RAD18: variants seen among roughly 807,000 people sequenced by gnomAD.
RAD18 encodes the protein E3 ubiquitin-protein ligase RAD18.
RAD18 carries 47 observed loss-of-function variants against 60.4 expected under a neutral mutation model. The ratio of observed to expected loss-of-function variants is 0.78; its 90% confidence interval spans 0.62 to 0.99. The LOEUF is 0.99. RAD18 is among the 50% of genes least tolerant of loss of function. RAD18 has a pLI of 0.00. For missense variants in RAD18, 640 were observed against 593.3 expected (o/e 1.08, Z -0.82); for synonymous variants, 225 against 195.5 (o/e 1.15, Z -1.26).
At chr3:8,940,758 G>A (rs1224428668) in intron 5 of RAD18, among the ~76,000 whole-genome samples, 1 of 152,210 alleles carries the variant, frequency 6.6e-6, no homozygotes, top group East Asian at 1.9e-4. Context: ...TGAATAGTGA[G>A]GATCTGGATA....
At chr3:8,922,835 A>C (rs1372011439) in intron 7 of RAD18, among the ~76,000 whole-genome samples, 1 of 152,190 alleles carries the variant, frequency 6.6e-6, no homozygotes, top group African/African-American at 2.4e-5. Flanking sequence ...GCAAACTCCA[A>C]CAGACCTGCA....
intron 7 of RAD18, among the ~76,000 whole-genome samples, chr3:8,919,372 G>A (rs568370372): frequency 2.6e-5 from 4 of 152,014 alleles, no homozygotes; most frequent in Non-Finnish European, 4.4e-5. Context: ...ATCACGACTC[G>A]AATGAAAAAA....
At chr3:8,954,590 T>C (rs1234844105) in intron 2 of RAD18, among the ~76,000 whole-genome samples, 2 of 152,218 alleles carry the variant, frequency 1.3e-5, no homozygotes, top group African/African-American at 4.8e-5. Context: ...TCAATTTAAT[T>C]GACCTGCATT....
chr3:8,922,303 C>T (rs1201772362), intron 7 of RAD18, among the ~76,000 whole-genome samples: 1 of 152,222 alleles, frequency 6.6e-6, no homozygotes, highest in Non-Finnish European at 1.5e-5. Context: ...CCGTGCCTGG[C>T]TCGGAGGGTC....
At position 8,948,539 on chromosome 3, in the gene RAD18, G is replaced by C; in HGVS notation, c.165C>G (p.Ser55=). Residue 55 remains serine (S), a synonymous_variant, in exon 3 of 13, where the codon TCC becomes TCG. Coordinates refer to ENST00000264926, the MANE Select transcript of RAD18 (RefSeq NM_020165.4). ...AGCAAGTTGGACACTGAGTTTTATA[G>C]GACAGAAATTTTCTTATACAGAGAG... ...YCSLCIRKFL[S]YKTQCPTCCV... The C allele has an allele frequency of 6.2e-7, 1 of 1,612,894 alleles. No individual in the cohort carries two copies. Among genetic ancestry groups the C allele is most frequent in the Admixed American group, 1.7e-5 (1 of 59,908 alleles).
At chr3:8,927,773 A>G (rs527709792) in intron 7 of RAD18, among the ~76,000 whole-genome samples, 3 of 152,322 alleles carry the variant, frequency 2.0e-5, no homozygotes, top group East Asian at 1.9e-4. Context: ...ACATGGATGA[A>G]GCTGGAAACC....
chr3:8,948,660 A>G (rs1022718274), intron 2 of RAD18, 90 bp from the exon 3 acceptor site: 1 of 1,091,590 alleles, frequency 9.2e-7, no homozygotes, highest in Non-Finnish European at 1.4e-6. Flanking sequence ...GCCCTAGACT[A>G]TTTCCGTCAT....
chr3:8,908,273 A>T (rs484453), intron 9 of RAD18, among the ~76,000 whole-genome samples: 89,199 of 138,832 alleles, frequency 0.64, 28,147 homozygotes, highest in Middle Eastern at 0.72. Context: ...CACTTTAAGC[A>T]TTTTTTTTTT....
chr3:8,934,104 C>T (rs1436868707), intron 7 of RAD18, among the ~76,000 whole-genome samples: 1 of 152,194 alleles, frequency 6.6e-6, no homozygotes, highest in Non-Finnish European at 1.5e-5. Context: ...GAAAACAAGA[C>T]AATCTTGTCC....
chr3:8,924,308 A>G (rs1352671999), intron 7 of RAD18, among the ~76,000 whole-genome samples: 1 of 148,930 alleles, frequency 6.7e-6, no homozygotes, highest in East Asian at 1.9e-4. Flanking sequence ...ATCAAAAGAG[A>G]CAAAGTAGGC....
chr3:8,939,632 AC>A lies in RAD18; in HGVS notation c.625del (p.Val209LeufsTer12). On this transcript the variant is annotated frameshift_variant, in exon 6 of 13. Coordinates refer to ENST00000264926, the MANE Select transcript of RAD18 (RefSeq NM_020165.4). LOFTEE classifies it high-confidence loss of function. ...VTKVDCPVCG[V>X]NIPESHINKH... The stretch of plus-strand genomic sequence containing the variant: ...ATTAATGTGACTTTCTGGAATGTTA[AC>A]CCCGCAAACAGGACAATCCACTGTA... The A allele has an allele frequency of 6.2e-7, 1 of 1,612,536 alleles. No individual in the cohort carries two copies. The highest frequency in any genetic ancestry group is 8.5e-7 in the Non-Finnish European group (1 of 1,178,912).
chr3:8,918,463 T>C (rs1940249194), intron 7 of RAD18, among the ~76,000 whole-genome samples: 1 of 152,098 alleles, frequency 6.6e-6, no homozygotes, highest in Non-Finnish European at 1.5e-5. Context: ...CAAGATGGAT[T>C]AGACTCATTT....
chr3:8,927,599 A>G (rs748855266), intron 7 of RAD18, among the ~76,000 whole-genome samples: 56 of 152,346 alleles, frequency 3.7e-4, no homozygotes, highest in Non-Finnish European at 7.5e-4. Flanking sequence ...TGCTATTAAG[A>G]CACATGCACA....
chr3:8,915,883 T>G (rs1341091014), intron 7 of RAD18, among the ~76,000 whole-genome samples: 1 of 152,156 alleles, frequency 6.6e-6, no homozygotes, highest in Non-Finnish European at 1.5e-5. Flanking sequence ...GCACCTGGCC[T>G]TGCAGGCTAT....
At chr3:8,921,096 T>C (rs1174025782) in intron 7 of RAD18, among the ~76,000 whole-genome samples, 4 of 152,218 alleles carry the variant, frequency 2.6e-5, no homozygotes, top group South Asian at 2.1e-4. Context: ...GAAGAAAATA[T>C]GTGTGTAATT....
At chr3:8,917,800 G>T (rs1940233430) in intron 7 of RAD18, among the ~76,000 whole-genome samples, 1 of 151,904 alleles carries the variant, frequency 6.6e-6, no homozygotes, top group Non-Finnish European at 1.5e-5. Flanking sequence ...TAAAGAAAGG[G>T]TTTTAAAACA....
intron 7 of RAD18, among the ~76,000 whole-genome samples, chr3:8,923,195 T>A (rs1940361188): frequency 6.6e-6 from 1 of 152,076 alleles, no homozygotes; most frequent in South Asian, 2.1e-4. Context: ...CTAACTAGAA[T>A]AACCAATGCA....
intron 2 of RAD18, among the ~76,000 whole-genome samples, chr3:8,954,322 A>T (rs1158218124): frequency 6.6e-6 from 1 of 152,168 alleles, no homozygotes; most frequent in Non-Finnish European, 1.5e-5. Flanking sequence ...CATGACAAGG[A>T]TTCATTTAAG....
chr3:8,962,165 G>A (rs1222040949), intron 1 of RAD18, among the ~76,000 whole-genome samples: 2 of 152,158 alleles, frequency 1.3e-5, no homozygotes, highest in African/African-American at 4.8e-5. Flanking sequence ...CCTATGAACT[G>A]TTATTTTTGT....
Sources: allele counts gnomAD v4.1 joint callset (sites outside exome capture counted in the v4.1 genomes callset), GRCh38; gene constraint gnomAD v4.1.1; transcripts MANE v1.5; gene names NCBI Gene and HGNC (gene_info 2026-07-23, HGNC 2026-07-21).